SOS1: variants seen among roughly 807,000 people sequenced by gnomAD.
SOS1 encodes the protein son of sevenless homolog 1.
Under a neutral mutation model 157.6 loss-of-function variants are expected in SOS1, and 25 were observed. The ratio of observed to expected loss-of-function variants is 0.16; its 90% CI spans 0.12 to 0.22. The LOEUF (loss-of-function observed/expected upper bound fraction) is 0.22. SOS1 is among the 10% of genes least tolerant of loss of function. The pLI is 1.00. For missense variants in SOS1, 1,237 were observed against 1,599.1 expected (o/e 0.77, Z 3.86); for synonymous variants, 528 against 534.0 (o/e 0.99, Z 0.16).
intron 6 of SOS1, among the ~76,000 whole-genome samples, chr2:39,036,071 T>C (rs1436526331): frequency 6.6e-6 from 1 of 152,192 alleles, no homozygotes; most frequent in Non-Finnish European, 1.5e-5. Context: ...AATGGCTCAG[T>C]TAAAAAGACC....
chr2:39,098,897 A>G (rs945852591), intron 1 of SOS1, among the ~76,000 whole-genome samples: 1 of 152,196 alleles, frequency 6.6e-6, no homozygotes, highest in African/African-American at 2.4e-5. Flanking sequence ...TCAAAAAAAA[A>G]ATATTCTTAC....
chr2:39,036,593 G>A (rs1004548886), intron 6 of SOS1, among the ~76,000 whole-genome samples: 4 of 147,690 alleles, frequency 2.7e-5, no homozygotes, highest in Non-Finnish European at 4.5e-5. Context: ...TTTCTTTTTG[G>A]GACGGAGTCT....
intron 1 of SOS1, among the ~76,000 whole-genome samples, chr2:39,108,948 C>G (rs763715107): frequency 9.3e-5 from 14 of 151,210 alleles, no homozygotes; most frequent in Non-Finnish European, 2.1e-4. Context: ...TATGTAATCC[C>G]GGCACACTGG....
At chr2:39,074,307 G>A (rs900687854) in intron 1 of SOS1, among the ~76,000 whole-genome samples, 1 of 147,528 alleles carries the variant, frequency 6.8e-6, no homozygotes, top group Non-Finnish European at 1.5e-5. Flanking sequence ...CTGAGATCCT[G>A]CCACTGCACT....
At chr2:39,083,718 A>C (rs1672284030) in intron 1 of SOS1, among the ~76,000 whole-genome samples, 1 of 152,184 alleles carries the variant, frequency 6.6e-6, no homozygotes. Context: ...CAGAAAATCC[A>C]CTTTTGGGAA....
chr2:39,064,828 A>G (rs1301634167), intron 2 of SOS1, among the ~76,000 whole-genome samples: 1 of 129,090 alleles, frequency 7.7e-6, no homozygotes, highest in Non-Finnish European at 1.5e-5. Context: ...GGCTCACTGC[A>G]ACTTCTGCCT....
At chr2:39,075,137 A>T (rs999909383) in intron 1 of SOS1, among the ~76,000 whole-genome samples, 13 of 152,132 alleles carry the variant, frequency 8.5e-5, no homozygotes, top group African/African-American at 3.1e-4. Flanking sequence ...AGGAAGCAAA[A>T]CTAGTTGGAA....
rs564625591 is a variant in SOS1 at position 39,095,517 on chromosome 2, G to A, written c.87+24819C>T. Reference sequence around the variant, plus strand: ...GGCAAAATGTGGCTCATAAGTACCAGAGTTCTGCAGGCTACATTCGAAAGT... The same window carrying A: ...GGCAAAATGTGGCTCATAAGTACCAAAGTTCTGCAGGCTACATTCGAAAGT... On this transcript the variant is annotated intron_variant, in intron 1 of 22. Transcript: ENST00000402219. Among the ~76,000 whole-genome samples the A allele has an allele frequency of 1.3e-3, 200 of 152,316 alleles. 2 individuals carry two copies. The highest frequency in any genetic ancestry group is 1.0e-3 in the South Asian group (5 of 4,830).
At chr2:39,003,481 A>C (rs1669178997) in intron 17 of SOS1, among the ~76,000 whole-genome samples, 1 of 152,222 alleles carries the variant, frequency 6.6e-6, no homozygotes, top group South Asian at 2.1e-4. Flanking sequence ...GTAAGGCGTA[A>C]CATAGAAATA....
intron 2 of SOS1, among the ~76,000 whole-genome samples, chr2:39,063,551 T>G (rs1671485400): frequency 3.9e-5 from 6 of 152,206 alleles, no homozygotes; most frequent in Admixed American, 3.9e-4. Flanking sequence ...ATTGGCTACA[T>G]CAATAAAACA....
chr2:39,084,314 A>G (rs1242417379), intron 1 of SOS1, among the ~76,000 whole-genome samples: 1 of 152,198 alleles, frequency 6.6e-6, no homozygotes, highest in Non-Finnish European at 1.5e-5. Flanking sequence ...TAAGTGAGAA[A>G]ACTCATTAAA....
intron 20 of SOS1, chr2:38,992,859 A>G (rs1425196108): frequency 6.6e-6 from 1 of 152,222 alleles, no homozygotes; most frequent in African/African-American, 2.4e-5. Flanking sequence ...GGGGTTGGCA[A>G]GCTGGGGAGA....
intron 15 of SOS1, 97 bp from the exon 16 acceptor site, chr2:39,007,290 G>C (rs1361662905): frequency 1.2e-6 from 1 of 820,050 alleles, no homozygotes; most frequent in Non-Finnish European, 2.1e-6. Flanking sequence ...AGAGAGTAGG[G>C]GGGTGGCGAT....
chr2:39,070,493 C>A (rs1671758518), intron 1 of SOS1, among the ~76,000 whole-genome samples: 1 of 152,092 alleles, frequency 6.6e-6, no homozygotes, highest in Non-Finnish European at 1.5e-5. Context: ...TCTCTTCTGC[C>A]CCCTAAGTAA....
At chr2:39,095,277 G>C (rs1438965972) in intron 1 of SOS1, among the ~76,000 whole-genome samples, 3 of 152,176 alleles carry the variant, frequency 2.0e-5, no homozygotes, top group Non-Finnish European at 4.4e-5. Context: ...TTATATCTCA[G>C]AGAATTCTCA....
At chr2:38,999,027 C>T (rs906844106) in intron 17 of SOS1, among the ~76,000 whole-genome samples, 10 of 152,162 alleles carry the variant, frequency 6.6e-5, no homozygotes, top group African/African-American at 2.4e-4. Flanking sequence ...AGTAGGAATG[C>T]ATAACATGCT....
chr2:39,122,581 G>A (rs974569657), upstream of SOS1, among the ~76,000 whole-genome samples: 4 of 152,136 alleles, frequency 2.6e-5, no homozygotes, highest in South Asian at 6.2e-4. Flanking sequence ...CCAGGCTGGC[G>A]AGACCCATCT....
rs185294590 is a variant in SOS1, at chr2:38,998,637, T to C, written c.2792-1212A>G. On this transcript the variant is annotated intron_variant, in intron 17 of 22. Transcript: ENST00000402219. ...TGTAAAATGAGGACAGGAGGGTTGCTGTGAGAAACAAATGAGTGAATATAT... is the reference window on the plus strand; with the variant it reads ...TGTAAAATGAGGACAGGAGGGTTGCCGTGAGAAACAAATGAGTGAATATAT... 2.1e-3 allele frequency among the ~76,000 whole-genome samples: 325 copies of C among 152,298 alleles called. 1 individual carries two copies. The highest frequency in any genetic ancestry group is 7.4e-3 in the African/African-American group (308 of 41,574).
intron 1 of SOS1, among the ~76,000 whole-genome samples, chr2:39,089,482 T>C (rs377229257): frequency 8.4e-4 from 126 of 149,498 alleles, no homozygotes; most frequent in African/African-American, 3.0e-3. Context: ...CAGTGAGCCA[T>C]TGTGCCATGG....
Sources: gnomAD v4.1 joint callset for allele counts (sites outside exome capture counted in the v4.1 genomes callset) on GRCh38, gnomAD v4.1.1 for gene constraint, MANE v1.5 for transcripts, NCBI Gene and HGNC (gene_info 2026-07-23, HGNC 2026-07-21) for gene names.